The following LDB2 variants were observed in gnomAD, a reference collection of about 807,000 sequenced individuals.
LDB2 encodes LIM domain-binding protein 2.
A neutral mutation model predicts 44.3 loss-of-function variants in LDB2; 12 were observed. The observed-to-expected ratio is 0.27, with a 90% CI of 0.17 to 0.44. LDB2 has a LOEUF of 0.44. Among genes scored for constraint, LDB2 ranks in the 20% least tolerant of loss-of-function variants. The probability of loss-of-function intolerance (pLI) is 1.00; values close to 1 mark genes in which losing one functional copy is unlikely to be tolerated. For synonymous variants in LDB2, 164 were observed against 174.8 expected (o/e 0.94, Z 0.49); for missense variants, 344 against 473.5 (o/e 0.73, Z 2.54).
At chr4:16,708,652 G>A (rs1755159630) in intron 2 of LDB2, among the ~76,000 whole-genome samples, 1 of 152,086 alleles carries the variant, frequency 6.6e-6, no homozygotes, top group Admixed American at 6.6e-5. Flanking sequence ...CTTGGGACCA[G>A]GTAGACATGA....
chr4:16,619,452 T>G (rs541230479), intron 2 of LDB2, among the ~76,000 whole-genome samples: 3 of 152,334 alleles, frequency 2.0e-5, no homozygotes, highest in African/African-American at 4.8e-5. Flanking sequence ...ATGAAGTTTC[T>G]TTTCTAACAT....
chr4:16,756,585 T>G (rs1434769741), intron 2 of LDB2, among the ~76,000 whole-genome samples: 3 of 152,226 alleles, frequency 2.0e-5, no homozygotes, highest in Non-Finnish European at 4.4e-5. Context: ...AACATTTTAC[T>G]TGATTATATA....
At chr4:16,665,665 C>T (rs186016561) in intron 2 of LDB2, among the ~76,000 whole-genome samples, 1 of 152,126 alleles carries the variant, frequency 6.6e-6, no homozygotes, top group Admixed American at 6.5e-5. Flanking sequence ...CTAGCATTCT[C>T]CAGGACAGGG....
intron 5 of LDB2, among the ~76,000 whole-genome samples, chr4:16,560,681 A>C (rs1181213553): frequency 6.6e-6 from 1 of 152,240 alleles, no homozygotes; most frequent in African/African-American, 2.4e-5. Context: ...TATTCCAATC[A>C]ATAGAAAAAG....
At chr4:16,792,142 A>G (rs986452034) in intron 1 of LDB2, among the ~76,000 whole-genome samples, 1 of 152,226 alleles carries the variant, frequency 6.6e-6, no homozygotes, top group African/African-American at 2.4e-5. Context: ...ACATATTGTG[A>G]GATCATTAGT....
At position 16,697,195 on chromosome 4, in the gene LDB2, C is replaced by G. The variant is rs183858185; in HGVS notation, c.235+61963G>C. ...ATCCCAGCACTTCAGGAGGCTGAGG[C>G]GGGCGGATCACGAGATCAGGAGATC... On this transcript the variant is annotated intron_variant, in intron 2 of 7. Transcript: ENST00000304523. Among the ~76,000 whole-genome samples, 350 of 151,684 alleles carry G rather than the reference C, an allele frequency of 2.3e-3. 1 individual carries two copies. The highest frequency in any genetic ancestry group is 2.0e-3 in the Non-Finnish European group (135 of 67,926).
intron 2 of LDB2, among the ~76,000 whole-genome samples, chr4:16,651,482 T>C (rs1738246525): frequency 6.6e-6 from 1 of 152,156 alleles, no homozygotes; most frequent in South Asian, 2.1e-4. Context: ...CAAGTAAATA[T>C]CTGGAGAAGA....
chr4:16,791,289 A>G (rs486795), intron 1 of LDB2, among the ~76,000 whole-genome samples: 121,677 of 151,502 alleles, frequency 0.8, 50,211 homozygotes, highest in South Asian at 0.92. Context: ...GGGCGGGGTG[A>G]CTCACACCTG....
chr4:16,663,356 T>G (rs1187513487), intron 2 of LDB2, among the ~76,000 whole-genome samples: 1 of 152,188 alleles, frequency 6.6e-6, no homozygotes, highest in African/African-American at 2.4e-5. Flanking sequence ...ATGGCTAATT[T>G]CAAGCTATTA....
chr4:16,779,731 C>T (rs535097172), intron 1 of LDB2, among the ~76,000 whole-genome samples: 22 of 152,198 alleles, frequency 1.4e-4, no homozygotes, highest in Non-Finnish European at 2.1e-4. Flanking sequence ...TTCCCCTTCC[C>T]CATGGTCAGT....
chr4:16,663,577 C>G (rs551149713), intron 2 of LDB2, among the ~76,000 whole-genome samples: 5 of 152,306 alleles, frequency 3.3e-5, no homozygotes, highest in Non-Finnish European at 7.3e-5. Context: ...TGTTTCAAAG[C>G]ACAATGCATG....
At chr4:16,692,455 T>TAA (rs1751015738) in intron 2 of LDB2, among the ~76,000 whole-genome samples, 1 of 152,202 alleles carries the variant, frequency 6.6e-6, no homozygotes, top group African/African-American at 2.4e-5. Flanking sequence ...TACTTCCAAC[T>TAA]TCACCTTGGA....
intron 2 of LDB2, among the ~76,000 whole-genome samples, chr4:16,604,990 T>C (rs1002490123): frequency 6.6e-6 from 1 of 152,198 alleles, no homozygotes; most frequent in Non-Finnish European, 1.5e-5. Context: ...GTTAGAAAGA[T>C]AAGGCCAGCA....
intron 2 of LDB2, among the ~76,000 whole-genome samples, chr4:16,608,148 C>T (rs1483926241): frequency 1.4e-5 from 2 of 141,226 alleles, no homozygotes; most frequent in Non-Finnish European, 3.0e-5. Context: ...TCTACCTTAC[C>T]ATACTGTATG....
At chr4:16,825,594 G>A (rs1223508122) in intron 1 of LDB2, among the ~76,000 whole-genome samples, 1 of 152,086 alleles carries the variant, frequency 6.6e-6, no homozygotes, top group Non-Finnish European at 1.5e-5. Flanking sequence ...ATGTAAGTGA[G>A]GCCACTCTTT....
chr4:16,658,078 G>A (rs1018861052), intron 2 of LDB2, among the ~76,000 whole-genome samples: 9 of 152,096 alleles, frequency 5.9e-5, no homozygotes, highest in Non-Finnish European at 1.2e-4. Flanking sequence ...GATGTTGTAA[G>A]CATAATATAA....
intron 1 of LDB2, among the ~76,000 whole-genome samples, chr4:16,788,128 C>T (rs552555855): frequency 1.3e-5 from 2 of 152,306 alleles, no homozygotes; most frequent in Non-Finnish European, 2.9e-5. Context: ...CATTGGGCTG[C>T]GAGTTGGCGA....
chr4:16,661,169 T>C (rs774832758), intron 2 of LDB2, among the ~76,000 whole-genome samples: 1 of 152,190 alleles, frequency 6.6e-6, no homozygotes, highest in Admixed American at 6.5e-5. Context: ...GCATGGTGTA[T>C]GTGTCTACAA....
chr4:16,748,917 T>C (rs747656216), intron 2 of LDB2, among the ~76,000 whole-genome samples: 11 of 152,224 alleles, frequency 7.2e-5, no homozygotes, highest in Non-Finnish European at 1.2e-4. Flanking sequence ...AATCAAGTCT[T>C]TGAAACAAAA....
Sources: gnomAD v4.1 joint callset for allele counts (sites outside exome capture counted in the v4.1 genomes callset) on GRCh38, gnomAD v4.1.1 for gene constraint, MANE v1.5 for transcripts, NCBI Gene and HGNC (gene_info 2026-07-23, HGNC 2026-07-21) for gene names.